EHMT1: variants seen among roughly 807,000 people sequenced by gnomAD.
The protein encoded by EHMT1 is euchromatic histone lysine methyltransferase 1.
Under a neutral mutation model 147.2 loss-of-function variants are expected in EHMT1, and 15 were observed. That is an observed-to-expected ratio of 0.10 (90% CI 0.07 to 0.16). The LOEUF (loss-of-function observed/expected upper bound fraction) is 0.16. Among genes scored for constraint, EHMT1 ranks in the 10% least tolerant of loss-of-function variants. The pLI, the probability that EHMT1 is intolerant of heterozygous loss-of-function variation, is 1.00. For synonymous variants in EHMT1, 795 were observed against 709.6 expected, an observed-to-expected ratio of 1.12 and a Z score of -1.91; for missense variants, 1,587 against 1,772.4, an observed-to-expected ratio of 0.90 and a Z score of 1.88.
In EHMT1 at chr9:137,819,652, A is replaced by AG. The variant is rs34202822; in HGVS notation, c.3540+1523dup. Among the ~76,000 whole-genome samples the AG allele has an allele frequency of 9.9e-4, 87 of 88,144 alleles. 3 individuals carry two copies. In the East Asian group the frequency reaches 0.012, roughly 12 times the overall value. 57.8% of individuals were successfully genotyped at this position (88,144 alleles called of 152,430 possible). On this transcript the variant is annotated intron_variant, in intron 25 of 26. Transcript: ENST00000460843. ...GTGTACCGAGACTGTAGAGAGGCTG[A>AG]GGGGGGGGGCGCCGTGTGCCGAGAC...
At chr9:137,632,502 C>T (rs1299817597) in intron 1 of EHMT1, among the ~76,000 whole-genome samples, 8 of 152,270 alleles carry the variant, frequency 5.3e-5, no homozygotes, top group Admixed American at 1.3e-4. Flanking sequence ...CTCCTGGGCT[C>T]GAGCAGTCCT....
At chr9:137,722,571 G>T (rs1336906220) in intron 3 of EHMT1, among the ~76,000 whole-genome samples, 1 of 152,224 alleles carries the variant, frequency 6.6e-6, no homozygotes, top group Non-Finnish European at 1.5e-5. Context: ...CACGGAGGTG[G>T]TGCGGCAGAG....
At chr9:137,792,621 A>G (rs1952609147) in intron 16 of EHMT1, among the ~76,000 whole-genome samples, 1 of 152,128 alleles carries the variant, frequency 6.6e-6, no homozygotes, top group South Asian at 2.1e-4. Context: ...AGGAGAATCG[A>G]TTGAACCCGG....
intron 1 of EHMT1, among the ~76,000 whole-genome samples, chr9:137,696,593 T>A (rs1056481566): frequency 6.6e-6 from 1 of 152,190 alleles, no homozygotes; most frequent in Non-Finnish European, 1.5e-5. Context: ...ATGTATTTTC[T>A]TGAGGGGGAG....
intron 16 of EHMT1, among the ~76,000 whole-genome samples, chr9:137,792,971 C>T (rs906581041): frequency 3.3e-5 from 5 of 152,190 alleles, no homozygotes; most frequent in Admixed American, 2.0e-4. Context: ...GGCACTAAAC[C>T]GTCCGTAGAT....
Position 137,787,707 on chromosome 9 carries a change from C to A in EHMT1, c.2383-3141C>A. The A allele has an allele frequency of 1.4e-6, 1 of 705,920 alleles. No homozygotes were observed. The highest frequency in any genetic ancestry group is 1.7e-5 in the South Asian group (1 of 59,852). 43.7% of individuals were successfully genotyped at this position (705,920 alleles called of 1,614,324 possible). A position where few individuals can be genotyped will look rare whatever the true frequency, so the allele number is the denominator to read the frequency against. On this transcript the variant is annotated intron_variant, in intron 15 of 26. Transcript: ENST00000460843. This position sits in a 1 kb window ranked among gnomAD's most constrained non-coding sequence, Gnocchi z 4.2. ...AGAGCAGCCCGCCTGGGCCAGGGGC[C>A]GCCAGGTCCCCAGGGTGCCACCGAA...
chr9:137,728,300 T>C, intron 3 of EHMT1, 49 bp from the exon 4 acceptor site: 1 of 1,613,072 alleles, frequency 6.2e-7, no homozygotes, highest in Non-Finnish European at 8.5e-7. Flanking sequence ...GTTATTTCAG[T>C]GACCACCTGC....
intron 1 of EHMT1, among the ~76,000 whole-genome samples, chr9:137,635,769 G>T (rs1844011661): frequency 6.6e-6 from 1 of 151,524 alleles, no homozygotes; most frequent in East Asian, 2.1e-4. Flanking sequence ...GCAGTGAGCT[G>T]AGATGGTGCC....
chr9:137,620,296 A>G (rs1034107984), intron 1 of EHMT1, among the ~76,000 whole-genome samples: 3 of 152,200 alleles, frequency 2.0e-5, no homozygotes, highest in African/African-American at 7.2e-5. Context: ...GATGAATTCT[A>G]TCATTTATGA....
chr9:137,701,240 G>C (rs1943796272), intron 1 of EHMT1, among the ~76,000 whole-genome samples: 1 of 151,612 alleles, frequency 6.6e-6, no homozygotes, highest in African/African-American at 2.4e-5. Flanking sequence ...TTTTGCCCCT[G>C]ATCCCTCCTA....
intron 1 of EHMT1, among the ~76,000 whole-genome samples, chr9:137,699,139 T>C (rs1943632131): frequency 6.6e-6 from 1 of 152,192 alleles, no homozygotes; most frequent in Non-Finnish European, 1.5e-5. Flanking sequence ...CGCGCTGCCG[T>C]CTTCTCTGGA....
chr9:137,744,170 G>T, intron 6 of EHMT1, 80 bp downstream of exon 6: 1 of 1,477,374 alleles, frequency 6.8e-7, no homozygotes, highest in Non-Finnish European at 9.4e-7. Flanking sequence ...TAACAGTCTG[G>T]TCACTTCTAG....
intron 25 of EHMT1, 126 bp from the exon 26 acceptor site, chr9:137,834,223 C>T (rs1564845127): frequency 4.8e-6 from 6 of 1,260,656 alleles, no homozygotes; most frequent in African/African-American, 1.5e-5. Context: ...CTGGAGAAGG[C>T]CCCTCCTGCA....
At chr9:137,715,987 T>G (rs901718638) in intron 2 of EHMT1, among the ~76,000 whole-genome samples, 12 of 151,716 alleles carry the variant, frequency 7.9e-5, no homozygotes, top group Non-Finnish European at 1.3e-4. Context: ...GTAGACAGTT[T>G]TATATAAGCC....
intron 1 of EHMT1, among the ~76,000 whole-genome samples, chr9:137,672,793 T>C (rs1292030470): frequency 1.3e-5 from 2 of 152,070 alleles, no homozygotes; most frequent in African/African-American, 4.8e-5. Flanking sequence ...AATTCAGCCA[T>C]GAGTGTGTGT....
chr9:137,834,854 G>A lies in EHMT1; in HGVS notation c.3798G>A (p.Ser1266=), dbSNP rs927268582. The change falls in exon 27 of 27, where the codon TCG becomes TCA. Residue 1266 remains serine (S), a synonymous_variant. Transcript: ENST00000460843. ...GCGGCTCCCCCAAGTGCCGGCACTC[G>A]AGCGCGGCCCTGGCCCAGCGTCAGG... ...CRCGSPKCRH[S]SAALAQRQAS... is the part of the protein sequence containing the mutation. 1.9e-6 allele frequency: 3 copies of A among 1,611,944 alleles called. No individual in the cohort carries two copies. Among genetic ancestry groups the A allele is most frequent in the Middle Eastern group, 1.7e-4 (1 of 5,726 alleles).
chr9:137,775,080 C>A lies in EHMT1; in HGVS notation c.1648-29C>A. The A allele has an allele frequency of 6.2e-7, 1 of 1,613,990 alleles. No homozygotes were observed. Among genetic ancestry groups the A allele is most frequent in the Non-Finnish European group, 8.5e-7 (1 of 1,180,000 alleles). ...GAATGCCGGCCTCTCGTGACTCTGA[C>A]ATTGACCACCAGTCTTGTCTGATTG... is the stretch of plus-strand genomic sequence containing the variant. On this transcript the variant is annotated intron_variant, in intron 10 of 26. Transcript: ENST00000460843. The surrounding 1 kb of genome is among the most constrained non-coding windows in gnomAD (Gnocchi z 6.1).
At chr9:137,805,345 T>G (rs750716435) in intron 18 of EHMT1, among the ~76,000 whole-genome samples, 7 of 152,202 alleles carry the variant, frequency 4.6e-5, no homozygotes, top group South Asian at 2.1e-4. Flanking sequence ...GTCATCCATG[T>G]CAGTTGTCTG....
At chr9:137,696,560 G>A (rs926929497) in intron 1 of EHMT1, among the ~76,000 whole-genome samples, 3 of 152,196 alleles carry the variant, frequency 2.0e-5, no homozygotes, top group Non-Finnish European at 2.9e-5. Flanking sequence ...TGTTGATAGC[G>A]TGTAGGATAG....
Sources: allele counts gnomAD v4.1 joint callset (sites outside exome capture counted in the v4.1 genomes callset), GRCh38; gene constraint gnomAD v4.1.1; non-coding constraint Gnocchi (gnomAD v3.1); transcripts MANE v1.5; gene names NCBI Gene and HGNC (gene_info 2026-07-23, HGNC 2026-07-21).